The following CD207 variants were observed in gnomAD, a reference collection of about 807,000 sequenced individuals.
CD207 encodes the protein C-type lectin domain family 4 member K.
In CD207, 28 loss-of-function variants were observed where a neutral mutation model predicts 31.6. That is an observed-to-expected ratio of 0.89 (90% confidence interval 0.66 to 1.21). The LOEUF (loss-of-function observed/expected upper bound fraction) is 1.21, where lower values mean the gene tolerates loss of function less well. CD207 is among the 50% of genes most tolerant of loss of function. The pLI, the probability that CD207 is intolerant of heterozygous loss-of-function variation, is 0.00. For missense variants in CD207, 388 were observed against 397.8 expected (o/e 0.98, Z 0.21); for synonymous variants, 168 against 153.9 (o/e 1.09, Z -0.68).
intron 4 of CD207, 74 bp downstream of exon 4, chr2:70,832,826 G>A (rs1677507494): frequency 4.2e-6 from 6 of 1,413,252 alleles, no homozygotes; most frequent in Non-Finnish European, 5.8e-6. Flanking sequence ...TGTTCACGCA[G>A]TATAATCTTG....
At chr2:70,833,079 C>T in intron 3 of CD207, 28 bp from the exon 4 acceptor site, 5 of 1,612,798 alleles carry the variant, frequency 3.1e-6, no homozygotes, top group Non-Finnish European at 4.2e-6. Flanking sequence ...AAAGTGAACG[C>T]TGGTATTCTT....
downstream of CD207, among the ~76,000 whole-genome samples, chr2:70,827,703 A>C (rs1289853548): frequency 6.6e-6 from 1 of 152,242 alleles, no homozygotes; most frequent in Non-Finnish European, 1.5e-5. Context: ...GGAAAATTAA[A>C]GCAAAGAAAG....
At position 70,835,535 on chromosome 2, in the gene CD207, A is replaced by C; in HGVS notation, c.146T>G (p.Leu49Arg). 6.2e-7 allele frequency: 1 copy of C among 1,613,970 alleles called. No homozygotes were observed. The highest frequency in any genetic ancestry group is 8.5e-7 in the Non-Finnish European group (1 of 1,179,874). The change falls in exon 2 of 6, where the codon CTG becomes CGG. Residue 49 changes from leucine to arginine, a missense_variant. Physicochemically the swap from Leu to Arg is moderately radical, Grantham distance 102 (BLOSUM62 -2). Transcript: ENST00000410009. ...TPTVRAALIC[L>R]TLVLVASVLL... is the part of the protein sequence containing the mutation. Reference sequence around the variant, plus strand: ...GACGGAGGCGACCAGGACCAGCGTCAGGCAGATTAATGCAGCACGGACTGT... The same window carrying C: ...GACGGAGGCGACCAGGACCAGCGTCCGGCAGATTAATGCAGCACGGACTGT...
At chr2:70,825,910 C>T (rs955969926), downstream of CD207, among the ~76,000 whole-genome samples, 8 of 152,192 alleles carry the variant, frequency 5.3e-5, no homozygotes, top group African/African-American at 1.9e-4. Flanking sequence ...CTTTGGGAAG[C>T]TGAGGCAGGA....
chr2:70,835,081 C>T (rs1677575062), intron 2 of CD207, among the ~76,000 whole-genome samples: 1 of 152,182 alleles, frequency 6.6e-6, no homozygotes, highest in South Asian at 2.1e-4. Flanking sequence ...GCCAATGATA[C>T]ATGAGGCTCG....
At chr2:70,827,640 G>A (rs888859344), downstream of CD207, among the ~76,000 whole-genome samples, 9 of 151,978 alleles carry the variant, frequency 5.9e-5, no homozygotes, top group Admixed American at 2.6e-4. Flanking sequence ...ACGTGTGTGC[G>A]CGCACACACA....
intron 3 of CD207, 80 bp from the exon 4 acceptor site, chr2:70,833,131 G>A: frequency 1.4e-6 from 2 of 1,393,340 alleles, no homozygotes; most frequent in South Asian, 2.4e-5. Flanking sequence ...CTTGAATGAG[G>A]TCTCAGAGAC....
chr2:70,828,884 C>T (rs1186916773), downstream of CD207, among the ~76,000 whole-genome samples: 1 of 152,132 alleles, frequency 6.6e-6, no homozygotes, highest in East Asian at 1.9e-4. Flanking sequence ...CAGGCTGTCT[C>T]GAACTCCTGA....
chr2:70,829,635 G>C (rs1196561839), downstream of CD207, among the ~76,000 whole-genome samples: 2 of 152,186 alleles, frequency 1.3e-5, no homozygotes, highest in African/African-American at 4.8e-5. Flanking sequence ...TTAGGTCTTT[G>C]GGGCCCTGTG....
chr2:70,828,159 G>A (rs1224546625), downstream of CD207, among the ~76,000 whole-genome samples: 7 of 152,212 alleles, frequency 4.6e-5, no homozygotes, highest in African/African-American at 1.4e-4. Context: ...GATACGAGGA[G>A]CTGCCCAGGT....
chr2:70,828,139 T>C (rs1544653), downstream of CD207, among the ~76,000 whole-genome samples: 93,165 of 152,060 alleles, frequency 0.61, 28,909 homozygotes, highest in Middle Eastern at 0.7. Flanking sequence ...AGAAATACTG[T>C]GGGGTCCATG....
downstream of CD207, among the ~76,000 whole-genome samples, chr2:70,827,043 C>A (rs1379501496): frequency 2.6e-5 from 4 of 152,108 alleles, no homozygotes; most frequent in African/African-American, 9.7e-5. Flanking sequence ...CACCTCACAC[C>A]ACACTCCAGC....
downstream of CD207, among the ~76,000 whole-genome samples, chr2:70,827,201 G>A (rs1417329736): frequency 5.9e-5 from 9 of 152,170 alleles, no homozygotes; most frequent in Non-Finnish European, 4.4e-5. Context: ...CTCTTCCTCA[G>A]GAAGCCTTAC....
At chr2:70,829,941 A>G (rs1399700190), downstream of CD207, among the ~76,000 whole-genome samples, 1 of 152,182 alleles carries the variant, frequency 6.6e-6, no homozygotes, top group Non-Finnish European at 1.5e-5. Flanking sequence ...GTTCTTGGGA[A>G]TTGAGCTATA....
At chr2:70,829,133 A>G (rs1173449433), downstream of CD207, among the ~76,000 whole-genome samples, 2 of 152,208 alleles carry the variant, frequency 1.3e-5, no homozygotes, top group African/African-American at 4.8e-5. Context: ...TCTTTCCCAG[A>G]GAAATGGTCT....
At chr2:70,828,817 C>G (rs1227172387), downstream of CD207, among the ~76,000 whole-genome samples, 9 of 152,150 alleles carry the variant, frequency 5.9e-5, no homozygotes, top group African/African-American at 1.9e-4. Flanking sequence ...AGGTGCCCAC[C>G]ACCATGCCCG....
chr2:70,824,795 C>T, the CD207 span, among the ~76,000 whole-genome samples: 1 of 152,028 alleles, frequency 6.6e-6, no homozygotes, highest in Non-Finnish European at 1.5e-5. Flanking sequence ...TCTGTGAGTC[C>T]ATACTGACAT....
chr2:70,833,504 TC>T, intron 3 of CD207, 141 bp downstream of exon 3: 1 of 964,506 alleles, frequency 1.0e-6, no homozygotes, highest in Non-Finnish European at 1.5e-6. Context: ...AAGCCCTCTC[TC>T]CTTAACTTCC....
At chr2:70,828,615 T>C (rs1222651629), downstream of CD207, among the ~76,000 whole-genome samples, 9 of 152,164 alleles carry the variant, frequency 5.9e-5, no homozygotes, top group African/African-American at 1.2e-4. Context: ...GGGACCTCCA[T>C]TGCGACTCCT....
Sources: allele counts gnomAD v4.1 joint callset (sites outside exome capture counted in the v4.1 genomes callset), GRCh38; gene constraint gnomAD v4.1.1; transcripts MANE v1.5; gene names NCBI Gene and HGNC (gene_info 2026-07-23, HGNC 2026-07-21).